The following ESR2 variants were observed in gnomAD, a reference collection of about 807,000 sequenced individuals.
ESR2 encodes the protein estrogen receptor 2, also known as estrogen receptor beta.
Under a neutral mutation model 49.6 loss-of-function variants are expected in ESR2, and 36 were observed. The ratio of observed to expected loss-of-function variants is 0.73; its 90% CI spans 0.56 to 0.96. The LOEUF is 0.96. Ranked by LOEUF, ESR2 falls within the 40% of genes least tolerant of loss-of-function variation. The pLI, the probability that ESR2 is intolerant of heterozygous loss-of-function variation, is 0.00. For missense variants in ESR2, 714 were observed against 693.0 expected (o/e 1.03, Z -0.34); for synonymous variants, 320 against 266.1 (o/e 1.20, Z -1.97).
intron 1 of ESR2, among the ~76,000 whole-genome samples, chr14:64,326,952 CA>C (rs988902759): frequency 2.0e-5 from 3 of 152,180 alleles, no homozygotes; most frequent in African/African-American, 7.2e-5. Context: ...AACCAACAAA[CA>C]ACTCAACATT....
At chr14:64,281,684 G>A (rs1379535599) in intron 2 of ESR2, among the ~76,000 whole-genome samples, 2 of 151,966 alleles carry the variant, frequency 1.3e-5, no homozygotes. Context: ...TCATACCTAT[G>A]ATTATCATTA....
At chr14:64,295,836 G>A (rs367583640), upstream of ESR2, among the ~76,000 whole-genome samples, 8 of 152,222 alleles carry the variant, frequency 5.3e-5, no homozygotes, top group South Asian at 6.2e-4. Flanking sequence ...ACGAGGTCAG[G>A]AGTTTGAGAC....
intron 7 of ESR2, among the ~76,000 whole-genome samples, chr14:64,244,718 C>T (rs1328342391): frequency 6.6e-6 from 1 of 152,206 alleles, no homozygotes; most frequent in African/African-American, 2.4e-5. Flanking sequence ...CTACTGGCTT[C>T]CCTGGTTCAC....
intron 7 of ESR2, among the ~76,000 whole-genome samples, chr14:64,236,695 T>A (rs1053443079): frequency 6.6e-6 from 1 of 152,076 alleles, no homozygotes; most frequent in Middle Eastern, 3.2e-3. Context: ...CTACCCTGAT[T>A]CTTTTGCTCA....
At chr14:64,246,752 A>C (rs1187181005) in intron 7 of ESR2, among the ~76,000 whole-genome samples, 4 of 146,076 alleles carry the variant, frequency 2.7e-5, no homozygotes, top group African/African-American at 5.3e-5. Context: ...AAAAAAAAAA[A>C]AAAAAAAAAA....
intron 1 of ESR2, among the ~76,000 whole-genome samples, chr14:64,284,653 G>C (rs1048768732): frequency 3.3e-5 from 5 of 151,858 alleles, no homozygotes; most frequent in African/African-American, 1.2e-4. Flanking sequence ...AATATCTGAG[G>C]GGTAATTCAT....
At chr14:64,268,727 C>T in intron 4 of ESR2, 68 bp downstream of exon 4, 1 of 877,860 alleles carries the variant, frequency 1.1e-6, no homozygotes, top group Non-Finnish European at 1.9e-6. Flanking sequence ...GCTACCTGTC[C>T]CCAGTTCCTC....
rs369249044 is a variant in ESR2, at chr14:64,331,903, A to G, written c.-91+5995T>C. Among the ~76,000 whole-genome samples the G allele has an allele frequency of 5.3e-5, 8 of 152,168 alleles. No individual in the cohort carries two copies. In the South Asian group the frequency reaches 6.2e-4, roughly 12 times the overall value. On this transcript the variant is annotated intron_variant, in intron 1 of 8. Transcript: ENST00000358599. Reference sequence around the variant, plus strand: ...TCTCTCCCTTTTCCAACACTGGTAGAATGATGAAATATTGAGAAAAAAAAT... The same window carrying G: ...TCTCTCCCTTTTCCAACACTGGTAGGATGATGAAATATTGAGAAAAAAAAT...
At chr14:64,287,024 GT>G (rs61331470) in intron 1 of ESR2, among the ~76,000 whole-genome samples, 233 of 141,202 alleles carry the variant, frequency 1.7e-3, no homozygotes, top group African/African-American at 4.0e-3. Flanking sequence ...GCCTGAAGTT[GT>G]TTTTTTTTTT....
chr14:64,243,050 A>G (rs755557649), intron 7 of ESR2, among the ~76,000 whole-genome samples: 13 of 152,202 alleles, frequency 8.5e-5, no homozygotes, highest in South Asian at 4.1e-4. Context: ...CCATGATTCA[A>G]TCATCTCCCA....
chr14:64,320,584 C>T (rs61984422), intron 1 of ESR2, among the ~76,000 whole-genome samples: 9,689 of 152,078 alleles, frequency 0.064, 377 homozygotes, highest in Non-Finnish European at 0.078. Context: ...ATGTAAACCC[C>T]GGACTTTAGT....
chr14:64,242,455 T>G (rs779142900), intron 7 of ESR2, among the ~76,000 whole-genome samples: 1 of 146,290 alleles, frequency 6.8e-6, no homozygotes, highest in Non-Finnish European at 1.5e-5. Context: ...AAAAAAAATA[T>G]ATATATATAT....
intron 1 of ESR2, among the ~76,000 whole-genome samples, chr14:64,323,983 C>A (rs899260032): frequency 6.6e-6 from 1 of 152,144 alleles, no homozygotes; most frequent in African/African-American, 2.4e-5. Context: ...TGAGCCACTG[C>A]CCCCAGCCAG....
intron 7 of ESR2, among the ~76,000 whole-genome samples, chr14:64,243,530 G>A (rs755669965): frequency 6.6e-6 from 1 of 152,218 alleles, no homozygotes; most frequent in African/African-American, 2.4e-5. Flanking sequence ...GAAATGGGAT[G>A]TGTCTCTACT....
chr14:64,262,135 C>G (rs1485748750), intron 4 of ESR2, among the ~76,000 whole-genome samples: 1 of 137,596 alleles, frequency 7.3e-6, no homozygotes, highest in Non-Finnish European at 1.6e-5. Flanking sequence ...TTTTAAGAGA[C>G]AAGGTCTCTG....
intron 1 of ESR2, among the ~76,000 whole-genome samples, chr14:64,306,594 G>A (rs1051710994): frequency 3.3e-5 from 5 of 152,196 alleles, no homozygotes; most frequent in Non-Finnish European, 5.9e-5. Context: ...TATTGATTGG[G>A]CTTTGAAATG....
At chr14:64,257,402 T>A (rs955251420) in intron 5 of ESR2, 38 bp from the exon 6 acceptor site, 16 of 1,609,432 alleles carry the variant, frequency 9.9e-6, no homozygotes, top group Non-Finnish European at 1.4e-5. Flanking sequence ...CCCCCACCCC[T>A]CCTCCTCAGC....
chr14:64,298,984 C>T (rs1489654653), upstream of ESR2, among the ~76,000 whole-genome samples: 1 of 148,444 alleles, frequency 6.7e-6, no homozygotes, highest in African/African-American at 2.5e-5. Context: ...ATGTGAACAC[C>T]CAGTTAAGAA....
chr14:64,332,115 G>T (rs545287438), intron 1 of ESR2: 2 of 152,270 alleles, frequency 1.3e-5, no homozygotes, highest in South Asian at 4.1e-4. Flanking sequence ...TCCAGCTATG[G>T]CTATGGTTGA....
Sources: allele counts gnomAD v4.1 joint callset (sites outside exome capture counted in the v4.1 genomes callset), GRCh38; gene constraint gnomAD v4.1.1; transcripts MANE v1.5; gene names NCBI Gene and HGNC (gene_info 2026-07-23, HGNC 2026-07-21).